TM9SF2: variants seen among roughly 807,000 people sequenced by gnomAD.
TM9SF2 encodes transmembrane 9 superfamily member 2, also known as 76 kDa membrane protein.
Under a neutral mutation model 84.9 loss-of-function variants are expected in TM9SF2, and 13 were observed. The observed-to-expected ratio is 0.15, with a 90% CI of 0.10 to 0.24. The LOEUF (loss-of-function observed/expected upper bound fraction) is 0.24, where lower values mean the gene tolerates loss of function less well. Ranked by LOEUF, TM9SF2 falls within the 10% of genes least tolerant of loss-of-function variation. The pLI is 1.00. For synonymous variants in TM9SF2, 273 were observed against 285.8 expected (o/e 0.96, Z 0.45); for missense variants, 562 against 818.5 (o/e 0.69, Z 3.82).
intron 4 of TM9SF2, among the ~76,000 whole-genome samples, chr13:99,536,281 A>G (rs2139094108): frequency 6.6e-6 from 1 of 152,002 alleles, no homozygotes; most frequent in Non-Finnish European, 1.5e-5. Flanking sequence ...CTTTCAAAAA[A>G]GGTACGAAGT....
At chr13:99,503,983 A>G (rs189255608) in intron 1 of TM9SF2, among the ~76,000 whole-genome samples, 2 of 152,310 alleles carry the variant, frequency 1.3e-5, no homozygotes, top group East Asian at 3.9e-4. Flanking sequence ...CTACACTCAC[A>G]TCTGGTTAAT....
At chr13:99,519,178 A>C (rs2046148258) in intron 2 of TM9SF2, among the ~76,000 whole-genome samples, 1 of 152,168 alleles carries the variant, frequency 6.6e-6, no homozygotes, top group South Asian at 2.1e-4. Flanking sequence ...ATTATTGGAT[A>C]CTTAAATTTT....
chr13:99,518,215 G>A (rs1393840447), intron 2 of TM9SF2, among the ~76,000 whole-genome samples: 1 of 152,180 alleles, frequency 6.6e-6, no homozygotes, highest in Non-Finnish European at 1.5e-5. Flanking sequence ...GCGTTCAGGC[G>A]AATCTCCTGC....
Position 99,559,506 on chromosome 13 carries a change from A to G in TM9SF2, c.1896A>G (p.Ile632Met). Residue 632 changes from isoleucine to methionine, a missense_variant, in exon 16 of 17, where the codon ATA becomes ATG. Physicochemically the swap from Ile to Met is conservative, Grantham distance 10. This residue lies in a region of TM9SF2 where 63 missense variants were observed against 109.2 expected (regional missense o/e 0.58). Coordinates refer to ENST00000376387, the MANE Select transcript of TM9SF2 (RefSeq NM_004800.3). Reference sequence around the variant, plus strand: ...TTCTGTACTTTGGTTATACCATGATAATGGTTTTGATCTTCTTTCTTTTTA... The same window carrying G: ...TTCTGTACTTTGGTTATACCATGATGATGGTTTTGATCTTCTTTCTTTTTA... The part of the protein sequence containing the change: ...STILYFGYTM[I>M]MVLIFFLFTG... The G allele has an allele frequency of 6.2e-7, 1 of 1,603,668 alleles. No homozygotes were observed. Among genetic ancestry groups the G allele is most frequent in the Non-Finnish European group, 8.5e-7 (1 of 1,177,396 alleles).
intron 11 of TM9SF2, among the ~76,000 whole-genome samples, chr13:99,548,486 G>A (rs1051935469): frequency 2.0e-5 from 3 of 152,132 alleles, no homozygotes; most frequent in African/African-American, 7.2e-5. Flanking sequence ...TGAGATCTCA[G>A]CCAGTTTCAT....
At chr13:99,526,222 A>G (rs987682746) in intron 3 of TM9SF2, among the ~76,000 whole-genome samples, 1 of 152,228 alleles carries the variant, frequency 6.6e-6, no homozygotes, top group Non-Finnish European at 1.5e-5. Context: ...AGGCTGCATC[A>G]GGGACCCTCT....
intron 4 of TM9SF2, among the ~76,000 whole-genome samples, chr13:99,533,860 G>A (rs1192971748): frequency 1.3e-5 from 2 of 152,072 alleles, no homozygotes; most frequent in South Asian, 2.1e-4. Flanking sequence ...TAGTAGAGAC[G>A]GGATTTCACT....
intron 13 of TM9SF2, among the ~76,000 whole-genome samples, chr13:99,552,744 C>G (rs2046311059): frequency 6.6e-6 from 1 of 152,184 alleles, no homozygotes; most frequent in African/African-American, 2.4e-5. Context: ...GCTGGGATTA[C>G]AGGCATGTGC....
At chr13:99,554,276 G>A in intron 13 of TM9SF2, 28 bp from the exon 14 acceptor site, 1 of 1,599,564 alleles carries the variant, frequency 6.3e-7, no homozygotes, top group Non-Finnish European at 8.5e-7. Context: ...ACGTAATTAT[G>A]AATTCTTCCT....
intron 1 of TM9SF2, among the ~76,000 whole-genome samples, chr13:99,513,791 T>C (rs1405170461): frequency 6.6e-6 from 1 of 152,164 alleles, no homozygotes; most frequent in African/African-American, 2.4e-5. Context: ...TACATGAGAA[T>C]AAAATATCAG....
At position 99,546,992 on chromosome 13, in the gene TM9SF2, T is replaced by C; in HGVS notation, c.1158T>C (p.Ala386=). 6.2e-7 allele frequency: 1 copy of C among 1,614,188 alleles called. No individual in the cohort carries two copies. The part of the protein sequence containing the change: ...LIMTFVTLFF[A]CLGFLSPANR... The stretch of plus-strand genomic sequence containing the variant: ...TCACGATTTGTGTTTTAGTTTTCGC[T>C]TGCCTGGGATTTTTGTCACCTGCCA... Residue 386 remains alanine (A), a synonymous_variant, in exon 11 of 17, where the codon GCT becomes GCC. Coordinates refer to ENST00000376387, the MANE Select transcript of TM9SF2 (RefSeq NM_004800.3).
At chr13:99,519,819 G>A (rs929871258) in intron 2 of TM9SF2, among the ~76,000 whole-genome samples, 2 of 152,130 alleles carry the variant, frequency 1.3e-5, no homozygotes, top group Non-Finnish European at 2.9e-5. Flanking sequence ...ATAAGAGAAT[G>A]TTATTTAGAA....
chr13:99,507,009 C>T (rs1295522254), intron 1 of TM9SF2, among the ~76,000 whole-genome samples: 2 of 152,172 alleles, frequency 1.3e-5, no homozygotes, highest in Non-Finnish European at 2.9e-5. Flanking sequence ...TTTTGCTCCT[C>T]TTCTCACTTT....
intron 1 of TM9SF2, among the ~76,000 whole-genome samples, chr13:99,517,198 C>T (rs964311844): frequency 1.3e-5 from 2 of 152,170 alleles, no homozygotes; most frequent in South Asian, 4.1e-4. Context: ...ACTGTAACTT[C>T]AAACTCCTGG....
intron 16 of TM9SF2, among the ~76,000 whole-genome samples, chr13:99,559,830 CTT>C (rs11402923): frequency 4.1e-4 from 57 of 139,050 alleles, no homozygotes; most frequent in Non-Finnish European, 4.1e-4. Flanking sequence ...ACACACAGTC[CTT>C]TTTTTTTTTT....
At chr13:99,503,510 A>T (rs1594041866) in intron 1 of TM9SF2, among the ~76,000 whole-genome samples, 1 of 152,122 alleles carries the variant, frequency 6.6e-6, no homozygotes, top group Non-Finnish European at 1.5e-5. Context: ...GGAGTTTAAG[A>T]CCAGCCTGGC....
chr13:99,518,997 T>C (rs781056936), intron 2 of TM9SF2, among the ~76,000 whole-genome samples: 2 of 152,070 alleles, frequency 1.3e-5, no homozygotes, highest in Non-Finnish European at 2.9e-5. Context: ...CTAAAACTGT[T>C]GCTAAAATTT....
Position 99,519,588 on chromosome 13 carries a change from T to C in TM9SF2, c.240-448T>C, listed in dbSNP as rs78941453. On this transcript the variant is annotated intron_variant, in intron 2 of 16. Transcript: ENST00000376387. ...GTCTTTTTAGCCATGCTTCACATAT[T>C]GGGATGTGTTGGCAAGTGTACTGAG... 970 of 157,144 alleles carry C rather than the reference T, an allele frequency of 6.2e-3. 2 individuals are homozygous for C. Among genetic ancestry groups the C allele is most frequent in the Non-Finnish European group, 9.8e-3 (696 of 70,886 alleles). 9.7% of individuals were successfully genotyped at this position (157,144 alleles called of 1,614,324 possible).
chr13:99,554,325 AC>A lies in TM9SF2; in HGVS notation c.1512del (p.Asn505IlefsTer39). ...GAAGGCCATTGAACACCCAGTTCGAACCAATCAGATTCCACGTCAGATTCCT... is the reference window on the plus strand; with the variant it reads ...GAAGGCCATTGAACACCCAGTTCGAACAATCAGATTCCACGTCAGATTCCT... ...KKNAIEHPVR[T>X]NQIPRQIPEQ... On this transcript the variant is annotated frameshift_variant, in exon 14 of 17. Coordinates refer to ENST00000376387, the MANE Select transcript of TM9SF2 (RefSeq NM_004800.3). LOFTEE classifies it high-confidence loss of function. 6.2e-7 allele frequency: 1 copy of A among 1,613,914 alleles called. No homozygotes were observed. The highest frequency in any genetic ancestry group is 8.5e-7 in the Non-Finnish European group (1 of 1,179,926).
Sources: allele counts gnomAD v4.1 joint callset (sites outside exome capture counted in the v4.1 genomes callset), GRCh38; gene constraint gnomAD v4.1.1; regional missense constraint gnomAD v4.1.1; transcripts MANE v1.5; gene names NCBI Gene and HGNC (gene_info 2026-07-23, HGNC 2026-07-21).